METTL15: variants seen among roughly 807,000 people sequenced by gnomAD.
METTL15 encodes the protein 12S rRNA N(4)-cytidine methyltransferase METTL15.
A neutral mutation model predicts 38.3 loss-of-function variants in METTL15; 34 were observed. That is an observed-to-expected ratio of 0.89 (90% CI 0.68 to 1.18). METTL15 has a LOEUF of 1.18. Among genes scored for constraint, METTL15 ranks in the 50% most tolerant of loss-of-function variants. METTL15 has a pLI of 0.00. For missense variants in METTL15, 438 were observed against 498.4 expected (o/e 0.88, Z 1.15); for synonymous variants, 162 against 170.9 (o/e 0.95, Z 0.41).
intron 3 of METTL15, among the ~76,000 whole-genome samples, chr11:28,349,367 G>A (rs868756057): frequency 6.6e-6 from 1 of 152,186 alleles, no homozygotes; most frequent in Admixed American, 6.5e-5. Flanking sequence ...CCTTATCTGG[G>A]CAGGCTACCT....
At chr11:28,132,791 A>C (rs1849382185) in intron 3 of METTL15, among the ~76,000 whole-genome samples, 1 of 152,192 alleles carries the variant, frequency 6.6e-6, no homozygotes, top group South Asian at 2.1e-4. Flanking sequence ...AAGTTTGTGA[A>C]CACTGAATTT....
chr11:28,461,530 A>G (rs1225820078), intron 6 of METTL15, among the ~76,000 whole-genome samples: 1 of 152,094 alleles, frequency 6.6e-6, no homozygotes, highest in Non-Finnish European at 1.5e-5. Flanking sequence ...AGCTCATTGC[A>G]TAATGGGTCA....
At chr11:28,425,894 T>C (rs766787586) in intron 6 of METTL15, among the ~76,000 whole-genome samples, 1 of 152,206 alleles carries the variant, frequency 6.6e-6, no homozygotes, top group African/African-American at 2.4e-5. Context: ...TATTTGAATC[T>C]GTATTCCAGC....
intron 5 of METTL15, among the ~76,000 whole-genome samples, chr11:28,386,968 G>C (rs1850447431): frequency 6.6e-6 from 1 of 151,822 alleles, no homozygotes; most frequent in South Asian, 2.1e-4. Flanking sequence ...TTGGGTCAAA[G>C]AACATATAAC....
intron 5 of METTL15, among the ~76,000 whole-genome samples, chr11:28,371,393 T>C (rs11030300): frequency 0.41 from 61,532 of 151,850 alleles, 14,272 homozygotes; most frequent in Admixed American, 0.52. Flanking sequence ...TATGTGTCTG[T>C]ATTTATTCCA....
At chr11:28,197,301 A>G (rs1175339573) in intron 3 of METTL15, 1 of 194,684 alleles carries the variant, frequency 5.1e-6, no homozygotes, top group Non-Finnish European at 1.1e-5. Flanking sequence ...TTCAGAAGCC[A>G]TAAAATATCT....
At chr11:28,235,804 C>G (rs1009213844) in intron 4 of METTL15, among the ~76,000 whole-genome samples, 1 of 152,186 alleles carries the variant, frequency 6.6e-6, no homozygotes, top group Non-Finnish European at 1.5e-5. Context: ...TTATTTCCTT[C>G]TCCTGCCTCA....
At chr11:28,199,745 CTT>C (rs796080440) in intron 3 of METTL15, among the ~76,000 whole-genome samples, 7 of 142,300 alleles carry the variant, frequency 4.9e-5, no homozygotes, top group Admixed American at 1.4e-4. Flanking sequence ...ATTAAGTTGA[CTT>C]TTTTTTTTTT....
chr11:28,278,734 T>C (rs891054004), intron 4 of METTL15, among the ~76,000 whole-genome samples: 1 of 152,160 alleles, frequency 6.6e-6, no homozygotes, highest in African/African-American at 2.4e-5. Context: ...CGTGATAATA[T>C]CATCTTTTGT....
chr11:28,208,360 GT>G (rs1342799702), intron 3 of METTL15, among the ~76,000 whole-genome samples: 1 of 152,004 alleles, frequency 6.6e-6, no homozygotes, highest in Non-Finnish European at 1.5e-5. Flanking sequence ...CCTTCATTTC[GT>G]TATGTACCCC....
chr11:28,280,838 A>G (rs1228029026), intron 4 of METTL15, among the ~76,000 whole-genome samples: 2 of 150,608 alleles, frequency 1.3e-5, no homozygotes, highest in African/African-American at 4.9e-5. Flanking sequence ...TCTGTTTTCC[A>G]TTTGGTCTGA....
intron 6 of METTL15, among the ~76,000 whole-genome samples, chr11:28,502,253 T>TA (rs989002559): frequency 1.3e-5 from 2 of 152,116 alleles, no homozygotes; most frequent in Non-Finnish European, 2.9e-5. Context: ...GGTAATTTAC[T>TA]AAAAAAAGGT....
intron 3 of METTL15, among the ~76,000 whole-genome samples, chr11:28,181,259 A>ATTTT (rs71449171): frequency 3.0e-5 from 4 of 133,786 alleles, no homozygotes; most frequent in South Asian, 2.4e-4. Context: ...TTAATTTTTA[A>ATTTT]TTTTTTTTTT....
intron 6 of METTL15, among the ~76,000 whole-genome samples, chr11:28,425,273 C>A (rs1423837092): frequency 6.6e-6 from 1 of 152,202 alleles, no homozygotes; most frequent in Non-Finnish European, 1.5e-5. Flanking sequence ...AGTAATGTTT[C>A]CAAAATATGC....
intron 5 of METTL15, among the ~76,000 whole-genome samples, chr11:28,407,529 CATTT>C (rs1361965818): frequency 1.3e-5 from 2 of 152,142 alleles, no homozygotes; most frequent in African/African-American, 4.8e-5. Context: ...CAAAAGAAGA[CATTT>C]ATGTGGCCAA....
At chr11:28,164,246 CA>C (rs900040812) in intron 3 of METTL15, 30 of 152,108 alleles carry the variant, frequency 2.0e-4, no homozygotes, top group African/African-American at 7.0e-4. Flanking sequence ...TAAAAACACA[CA>C]TTAGGAAGTG....
At chr11:28,179,734 A>G (rs572403758) in intron 3 of METTL15, among the ~76,000 whole-genome samples, 2 of 151,798 alleles carry the variant, frequency 1.3e-5, no homozygotes, top group Non-Finnish European at 1.5e-5. Context: ...GAACATCCTC[A>G]TATGTATTTT....
intron 6 of METTL15, among the ~76,000 whole-genome samples, chr11:28,492,545 CAT>C (rs1491531863): frequency 6.6e-6 from 1 of 151,546 alleles, no homozygotes; most frequent in Non-Finnish European, 1.5e-5. Context: ...CACACACACA[CAT>C]ACACACACAC....
chr11:28,215,061 G>A (rs1206968223), intron 4 of METTL15, among the ~76,000 whole-genome samples: 1 of 152,154 alleles, frequency 6.6e-6, no homozygotes, highest in African/African-American at 2.4e-5. Flanking sequence ...CATTTTTTAT[G>A]CTTAAATTCA....
Sources: gnomAD v4.1 joint callset for allele counts (sites outside exome capture counted in the v4.1 genomes callset) on GRCh38, gnomAD v4.1.1 for gene constraint, MANE v1.5 for transcripts, NCBI Gene and HGNC (gene_info 2026-07-23, HGNC 2026-07-21) for gene names.